The following TTLL5 variants were observed in gnomAD, a reference collection of about 807,000 sequenced individuals.
TTLL5 encodes tubulin tyrosine ligase like 5, also known as tubulin polyglutamylase TTLL5.
In TTLL5, 132 loss-of-function variants were observed where a neutral mutation model predicts 168.4. The observed-to-expected ratio is 0.78, with a 90% CI of 0.68 to 0.91. TTLL5 has a LOEUF of 0.91. Among genes scored for constraint, TTLL5 ranks in the 40% least tolerant of loss-of-function variants. The pLI is 0.00. For missense variants in TTLL5, 1,545 were observed against 1,581.5 expected (o/e 0.98, Z 0.39); for synonymous variants, 546 against 558.6 (o/e 0.98, Z 0.32).
At chr14:75,882,089 C>A (rs926767293) in intron 29 of TTLL5, among the ~76,000 whole-genome samples, 3 of 152,142 alleles carry the variant, frequency 2.0e-5, no homozygotes, top group Non-Finnish European at 4.4e-5. Context: ...ATCTTTAGGT[C>A]AACAAAGTGT....
At position 75,801,967 on chromosome 14, in the gene TTLL5, A is replaced by G. The variant is rs10136283; in HGVS notation, c.3171+8867A>G. ...GCCTGAAAACTTAAACTTAGCTATT[A>G]TCAGAAACAAGTTTGTGTCCAGTAA... On this transcript the variant is annotated intron_variant, in intron 27 of 31. Coordinates refer to ENST00000298832, the MANE Select transcript of TTLL5 (RefSeq NM_015072.5). Among the ~76,000 whole-genome samples, 1,009 of 152,282 alleles carry G rather than the reference A, an allele frequency of 6.6e-3. 12 individuals are homozygous for G. Among genetic ancestry groups the G allele is most frequent in the African/African-American group, 0.023 (975 of 41,566 alleles).
At chr14:75,759,814 A>C (rs1184510136) in intron 18 of TTLL5, among the ~76,000 whole-genome samples, 1 of 152,138 alleles carries the variant, frequency 6.6e-6, no homozygotes, top group Non-Finnish European at 1.5e-5. Context: ...AACTGATGAA[A>C]TTCAGCACAT....
At chr14:75,900,422 C>G (rs944031858) in intron 30 of TTLL5, among the ~76,000 whole-genome samples, 4 of 152,124 alleles carry the variant, frequency 2.6e-5, no homozygotes, top group Non-Finnish European at 4.4e-5. Flanking sequence ...ACTGTGTGGG[C>G]ACCTCAGACA....
chr14:75,934,866 A>G lies in TTLL5; in HGVS notation c.3824-19558A>G, dbSNP rs141499939. Among the ~76,000 whole-genome samples the G allele has an allele frequency of 5.9e-3, 892 of 152,352 alleles. 14 individuals carry two copies. The highest frequency in any genetic ancestry group is 0.027 in the South Asian group (129 of 4,828). ...AGTAAATGAGACTGGGTTCCGGGTG[A>G]GCATGCAGTGCACCATAATACCCAA... On this transcript the variant is annotated intron_variant, in intron 31 of 31. Transcript: ENST00000298832.
In TTLL5 at chr14:75,735,241, T is replaced by G; in HGVS notation, c.1233T>G (p.Ile411Met). 6.2e-6 allele frequency: 10 copies of G among 1,614,220 alleles called. No homozygotes were observed. Among genetic ancestry groups the G allele is most frequent in the Non-Finnish European group, 8.5e-6 (10 of 1,179,994 alleles). ...CCCAGCGGGCATCAACTCGGCCAAT[T>G]TATCCCACCTTTGAGTCTTCCAGGC... is the stretch of plus-strand genomic sequence containing the variant. ...DPAQRASTRP[I>M]YPTFESSRRN... The change falls in exon 15 of 32, where the codon ATT (isoleucine) becomes ATG (methionine). Residue 411 changes from isoleucine (I) to methionine (M), a missense_variant. Physicochemically the swap from Ile to Met is conservative, Grantham distance 10. Coordinates refer to ENST00000298832, the MANE Select transcript of TTLL5 (RefSeq NM_015072.5).
chr14:75,682,175 G>A (rs1276418071), intron 4 of TTLL5, among the ~76,000 whole-genome samples: 1 of 147,788 alleles, frequency 6.8e-6, no homozygotes, highest in Non-Finnish European at 1.5e-5. Context: ...GGGTGACAGA[G>A]TGAGACTCCG....
At chr14:75,933,176 G>A (rs557960125) in intron 31 of TTLL5, among the ~76,000 whole-genome samples, 2 of 152,122 alleles carry the variant, frequency 1.3e-5, no homozygotes, top group Non-Finnish European at 2.9e-5. Context: ...ATAAATATTT[G>A]GCTCGGCACA....
intron 28 of TTLL5, among the ~76,000 whole-genome samples, chr14:75,831,337 G>A (rs1307773162): frequency 6.6e-6 from 1 of 152,148 alleles, no homozygotes; most frequent in Admixed American, 6.5e-5. Flanking sequence ...AATGCCTTGG[G>A]AATCTCACAA....
At chr14:75,828,650 G>A (rs895527961) in intron 28 of TTLL5, among the ~76,000 whole-genome samples, 5 of 152,158 alleles carry the variant, frequency 3.3e-5, no homozygotes, top group Non-Finnish European at 7.4e-5. Flanking sequence ...AGGGTCAACT[G>A]TACATTCTTT....
intron 28 of TTLL5, among the ~76,000 whole-genome samples, chr14:75,822,166 C>T (rs1391391634): frequency 1.3e-5 from 2 of 152,202 alleles, no homozygotes; most frequent in Non-Finnish European, 2.9e-5. Flanking sequence ...TCCTGGTTTC[C>T]ATTTATACCT....
chr14:75,703,738 A>T (rs1434034354), intron 7 of TTLL5, among the ~76,000 whole-genome samples: 6 of 152,176 alleles, frequency 3.9e-5, no homozygotes, highest in African/African-American at 1.4e-4. Flanking sequence ...TATATTCGTG[A>T]ATATAATTCT....
intron 30 of TTLL5, among the ~76,000 whole-genome samples, chr14:75,896,763 A>G (rs1311130866): frequency 2.0e-5 from 3 of 152,230 alleles, no homozygotes; most frequent in African/African-American, 7.2e-5. Context: ...CAAAAGAAGA[A>G]CAGAGGAAAC....
chr14:75,692,855 G>A (rs564428491), intron 6 of TTLL5, among the ~76,000 whole-genome samples: 6 of 152,180 alleles, frequency 3.9e-5, no homozygotes, highest in Non-Finnish European at 8.8e-5. Flanking sequence ...TGTCGATGGG[G>A]CATCCAGGTA....
At chr14:75,779,084 T>G (rs533211522) in intron 23 of TTLL5, among the ~76,000 whole-genome samples, 50 of 152,274 alleles carry the variant, frequency 3.3e-4, no homozygotes, top group African/African-American at 5.8e-4. Context: ...TGGTGGTGGT[T>G]GTTGTCTTGT....
intron 17 of TTLL5, among the ~76,000 whole-genome samples, chr14:75,750,656 A>C (rs1389288539): frequency 6.6e-6 from 1 of 152,032 alleles, no homozygotes; most frequent in Non-Finnish European, 1.5e-5. Flanking sequence ...GGGGAAGCAA[A>C]AGTTATATGC....
intron 26 of TTLL5, among the ~76,000 whole-genome samples, chr14:75,784,005 C>A (rs1223260632): frequency 6.6e-6 from 1 of 152,180 alleles, no homozygotes; most frequent in East Asian, 1.9e-4. Context: ...TTTTTAATAA[C>A]AGCTTTATTG....
At chr14:75,676,849 C>G (rs2140106776) in intron 3 of TTLL5, among the ~76,000 whole-genome samples, 1 of 151,106 alleles carries the variant, frequency 6.6e-6, no homozygotes, top group South Asian at 2.1e-4. Flanking sequence ...CAACTCACTA[C>G]TACAGCCTTG....
intron 12 of TTLL5, among the ~76,000 whole-genome samples, chr14:75,723,697 G>A (rs1390314514): frequency 6.6e-6 from 1 of 152,088 alleles, no homozygotes. Context: ...ATGTTCCGAC[G>A]TGGAAGAAGC....
intron 6 of TTLL5, among the ~76,000 whole-genome samples, chr14:75,692,295 A>G (rs9323617): frequency 0.61 from 92,254 of 152,040 alleles, 29,231 homozygotes; most frequent in Non-Finnish European, 0.7. Context: ...TGTATTAGTA[A>G]TAGTTATGTT....
Sources: gnomAD v4.1 joint callset for allele counts (sites outside exome capture counted in the v4.1 genomes callset) on GRCh38, gnomAD v4.1.1 for gene constraint, MANE v1.5 for transcripts, NCBI Gene and HGNC (gene_info 2026-07-23, HGNC 2026-07-21) for gene names.